Variants in PAX5 observed in about 807,000 individuals in gnomAD.
PAX5 encodes the protein paired box 5, also known as paired box protein Pax-5.
Under a neutral mutation model 43.7 loss-of-function variants are expected in PAX5, and 9 were observed. The ratio of observed to expected loss-of-function variants is 0.21; its 90% CI spans 0.12 to 0.36. The LOEUF is 0.36. Ranked by LOEUF, PAX5 falls within the 10% of genes least tolerant of loss-of-function variation. The pLI is 1.00. For missense variants in PAX5, 383 were observed against 532.7 expected, an observed-to-expected ratio of 0.72 and a Z score of 2.77; for synonymous variants, 228 against 214.3, an observed-to-expected ratio of 1.06 and a Z score of -0.56.
At chr9:36,923,187 C>T in intron 7 of PAX5, 168 bp downstream of exon 7, 5 of 711,394 alleles carry the variant, frequency 7.0e-6, no homozygotes, top group South Asian at 2.1e-5. Flanking sequence ...TGTCTCATCA[C>T]AGCTGCAACC....
intron 6 of PAX5, among the ~76,000 whole-genome samples, chr9:36,929,827 G>C (rs1291788123): frequency 1.3e-5 from 2 of 152,152 alleles, no homozygotes; most frequent in South Asian, 2.1e-4. Context: ...CCCTGTTTCA[G>C]TGATTCTCCC....
intron 1 of PAX5, among the ~76,000 whole-genome samples, chr9:37,030,287 C>A (rs1840853542): frequency 6.6e-6 from 1 of 152,194 alleles, no homozygotes; most frequent in Non-Finnish European, 1.5e-5. Flanking sequence ...AGTTCCAACC[C>A]CAAAAGGCGC....
intron 1 of PAX5, among the ~76,000 whole-genome samples, chr9:37,023,014 T>C (rs868591557): frequency 2.0e-5 from 3 of 151,938 alleles, no homozygotes; most frequent in Non-Finnish European, 2.9e-5. Flanking sequence ...TACTCTGGAA[T>C]TGGTAAGAAG....
chr9:36,896,243 C>T lies in PAX5; in HGVS notation c.911-14138G>A, dbSNP rs147077468. 9.9e-5 allele frequency among the ~76,000 whole-genome samples: 15 copies of T among 152,232 alleles called. No homozygotes were observed. The East Asian group carries it at 2.5e-3, about 26-fold the overall frequency. ...CTTGTAAAGGGACTGAGGCCCATCA[C>T]GAATCCTAAACCAGTGCCTCAGCTG... On this transcript the variant is annotated intron_variant, in intron 7 of 9. Transcript: ENST00000358127.
chr9:36,833,853 T>A lies in PAX5; in HGVS notation c.*6707A>T, dbSNP rs528088155. 1 of 188,426 alleles carries A rather than the reference T, an allele frequency of 5.3e-6. No homozygotes were observed. Among genetic ancestry groups the A allele is most frequent in the African/African-American group, 2.8e-5 (1 of 35,828 alleles). The allele number at this position is 188,426 out of a possible 1,614,324, so 11.7% of individuals were successfully genotyped here. The stretch of plus-strand genomic sequence containing the variant: ...TTCAATTGTGGTTTTTGTTGTTGGT[T>A]TTTTTGTATTTTTTTGTATTTTTTT... On this transcript the variant is annotated 3_prime_UTR_variant, in exon 10 of 10. Coordinates refer to ENST00000358127, the MANE Select transcript of PAX5 (RefSeq NM_016734.3).
chr9:36,919,255 AG>A (rs1391319555), intron 7 of PAX5, among the ~76,000 whole-genome samples: 1 of 152,158 alleles, frequency 6.6e-6, no homozygotes, highest in East Asian at 1.9e-4. Context: ...CCTACTGCTC[AG>A]AAAAAAAAAA....
chr9:36,923,896 T>C (rs1179799474), intron 6 of PAX5, among the ~76,000 whole-genome samples: 1 of 152,364 alleles, frequency 6.6e-6, no homozygotes, highest in African/African-American at 2.4e-5. Context: ...CTGATTTCTG[T>C]GCTCTTAAAC....
At chr9:36,850,970 G>A (rs1823103394) in intron 8 of PAX5, among the ~76,000 whole-genome samples, 1 of 152,204 alleles carries the variant, frequency 6.6e-6, no homozygotes, top group Non-Finnish European at 1.5e-5. Context: ...GGTGCTGTGG[G>A]GGCAGAAGGC....
At chr9:36,849,694 C>A (rs1281001467) in intron 8 of PAX5, among the ~76,000 whole-genome samples, 2 of 152,236 alleles carry the variant, frequency 1.3e-5, no homozygotes, top group Non-Finnish European at 2.9e-5. Flanking sequence ...TTGCCCACCA[C>A]ACCATCCTGC....
At chr9:36,986,251 T>A (rs1463439537) in intron 5 of PAX5, among the ~76,000 whole-genome samples, 1 of 150,146 alleles carries the variant, frequency 6.7e-6, no homozygotes, top group Admixed American at 6.6e-5. Context: ...ATTACGGGCC[T>A]CTCCTGGCCG....
chr9:36,866,780 C>G (rs1824928992), intron 8 of PAX5, among the ~76,000 whole-genome samples: 1 of 152,094 alleles, frequency 6.6e-6, no homozygotes, highest in Admixed American at 6.5e-5. Flanking sequence ...CTGCACAGCC[C>G]TGGGTTGATT....
chr9:37,010,467 C>G (rs934544886), intron 3 of PAX5, among the ~76,000 whole-genome samples: 1 of 152,196 alleles, frequency 6.6e-6, no homozygotes, highest in Admixed American at 6.5e-5. Context: ...CTGCTAAATA[C>G]TTCCTATGTG....
chr9:36,867,228 A>G (rs983674184), intron 8 of PAX5, among the ~76,000 whole-genome samples: 1 of 152,144 alleles, frequency 6.6e-6, no homozygotes, highest in African/African-American at 2.4e-5. Flanking sequence ...GGTCCAGTGC[A>G]AAGTTGTAGG....
At chr9:36,965,611 T>C (rs1035821461) in intron 6 of PAX5, among the ~76,000 whole-genome samples, 8 of 152,168 alleles carry the variant, frequency 5.3e-5, no homozygotes, top group Non-Finnish European at 1.0e-4. Context: ...GACTGACTTT[T>C]TGGAGAAGAT....
intron 6 of PAX5, among the ~76,000 whole-genome samples, chr9:36,928,397 A>G (rs1319738562): frequency 6.6e-6 from 1 of 152,102 alleles, no homozygotes; most frequent in Non-Finnish European, 1.5e-5. Flanking sequence ...CCACACTCCT[A>G]CAAAGAAACA....
intron 5 of PAX5, among the ~76,000 whole-genome samples, chr9:36,974,702 T>C (rs1262625228): frequency 6.6e-6 from 1 of 152,106 alleles, no homozygotes; most frequent in Admixed American, 6.5e-5. Context: ...TTAAATGAGA[T>C]AATCTCCATG....
At chr9:37,023,217 G>A (rs373597074) in intron 1 of PAX5, among the ~76,000 whole-genome samples, 11 of 152,280 alleles carry the variant, frequency 7.2e-5, no homozygotes, top group African/African-American at 2.6e-4. Context: ...AATAGGCCAA[G>A]AAAAGAAAGA....
chr9:36,908,199 A>G (rs1320564849), intron 7 of PAX5, among the ~76,000 whole-genome samples: 1 of 108,358 alleles, frequency 9.2e-6, no homozygotes, highest in Non-Finnish European at 2.1e-5. Context: ...ACCCTGTTTC[A>G]AAAAAAAAAA....
At chr9:36,998,296 T>C (rs990071369) in intron 5 of PAX5, among the ~76,000 whole-genome samples, 6 of 152,212 alleles carry the variant, frequency 3.9e-5, no homozygotes, top group African/African-American at 1.4e-4. Flanking sequence ...CTAGAATCTC[T>C]ATACTGAAAG....
Sources: gnomAD v4.1 joint callset for allele counts (sites outside exome capture counted in the v4.1 genomes callset) on GRCh38, gnomAD v4.1.1 for gene constraint, MANE v1.5 for transcripts, NCBI Gene and HGNC (gene_info 2026-07-23, HGNC 2026-07-21) for gene names.